The following BBS9 variants were observed in gnomAD, a reference collection of about 807,000 sequenced individuals.
The protein encoded by BBS9 is protein PTHB1.
Under a neutral mutation model 117.7 loss-of-function variants are expected in BBS9, and 89 were observed. That is an observed-to-expected ratio of 0.76 (90% CI 0.64 to 0.90). The LOEUF (loss-of-function observed/expected upper bound fraction) is 0.90. Among genes scored for constraint, BBS9 ranks in the 40% least tolerant of loss-of-function variants. The pLI is 0.00. For synonymous variants in BBS9, 379 were observed against 370.9 expected, an observed-to-expected ratio of 1.02 and a Z score of -0.25; for missense variants, 982 against 1,042.2, an observed-to-expected ratio of 0.94 and a Z score of 0.80.
Position 33,587,593 on chromosome 7 carries a change from A to G in BBS9, c.2522-17272A>G, listed in dbSNP as rs150872161. ...CCATTGGGAAGGGCTGCTATGTTCCATCTTCAAAGAAAGTAGAGCTGGGGT... is the reference window on the plus strand; with the variant it reads ...CCATTGGGAAGGGCTGCTATGTTCCGTCTTCAAAGAAAGTAGAGCTGGGGT... On this transcript the variant is annotated intron_variant, in intron 21 of 22. Transcript: ENST00000242067. Among the ~76,000 whole-genome samples, 394 of 152,252 alleles carry G rather than the reference A, an allele frequency of 2.6e-3. 3 individuals are homozygous for G. The highest frequency in any genetic ancestry group is 8.9e-3 in the African/African-American group (369 of 41,570).
intron 21 of BBS9, among the ~76,000 whole-genome samples, chr7:33,595,599 A>C (rs1862617043): frequency 6.6e-6 from 1 of 152,204 alleles, no homozygotes; most frequent in South Asian, 2.1e-4. Flanking sequence ...AATGTAAATG[A>C]GTTCAACCAT....
intron 2 of BBS9, among the ~76,000 whole-genome samples, chr7:33,149,661 A>G (rs74650705): frequency 0.014 from 2,152 of 150,188 alleles, 54 homozygotes; most frequent in African/African-American, 0.05. Context: ...TAGAGAGCAA[A>G]TAAGACTGAC....
At chr7:33,505,309 A>G (rs776366216) in intron 19 of BBS9, among the ~76,000 whole-genome samples, 154 bp from the exon 20 acceptor site, 3 of 152,194 alleles carry the variant, frequency 2.0e-5, no homozygotes, top group Non-Finnish European at 2.9e-5. Flanking sequence ...GAGCAGATGA[A>G]TGATAACTCT....
intron 21 of BBS9, among the ~76,000 whole-genome samples, chr7:33,604,622 C>T (rs1864304952): frequency 6.6e-6 from 1 of 152,162 alleles, no homozygotes; most frequent in Non-Finnish European, 1.5e-5. Context: ...AATTTAAAGA[C>T]AATACTGTTG....
At chr7:33,151,514 G>A (rs1562684136) in intron 2 of BBS9, among the ~76,000 whole-genome samples, 1 of 151,950 alleles carries the variant, frequency 6.6e-6, no homozygotes, top group East Asian at 1.9e-4. Flanking sequence ...CAGTATTGAA[G>A]TTCCCAGGAT....
intron 7 of BBS9, among the ~76,000 whole-genome samples, chr7:33,269,922 C>T (rs1799488094): frequency 6.6e-6 from 1 of 150,914 alleles, no homozygotes; most frequent in African/African-American, 2.4e-5. Flanking sequence ...ACTCAGGAGT[C>T]TGAGGCAGGA....
intron 1 of BBS9, among the ~76,000 whole-genome samples, chr7:33,145,033 T>A (rs1792112193): frequency 6.6e-6 from 1 of 152,194 alleles, no homozygotes; most frequent in Non-Finnish European, 1.5e-5. Context: ...TAAGGTATCT[T>A]TAAATAGAAA....
chr7:33,138,489 A>G (rs914797095), intron 1 of BBS9, among the ~76,000 whole-genome samples: 3 of 151,138 alleles, frequency 2.0e-5, no homozygotes, highest in Non-Finnish European at 4.4e-5. Flanking sequence ...AACATTTCTC[A>G]TAAGCTTTTG....
At position 33,155,642 on chromosome 7, in the gene BBS9, AC is replaced by A; in HGVS notation, c.270del (p.Glu91LysfsTer33). The A allele has an allele frequency of 6.3e-7, 1 of 1,596,908 alleles. No individual in the cohort carries two copies. Among genetic ancestry groups the A allele is most frequent in the Non-Finnish European group, 8.6e-7 (1 of 1,165,816 alleles). ...QVEVGKFVSGTEMLHLAVLHS... is the reference protein window; with the variant it reads ...QVEVGKFVSGXEMLHLAVLHS... ...AAAACTTTCTCTGTTTTTCAGAGGTACCGAAATGCTACATTTGGCTGTGTTA... is the reference window on the plus strand; with the variant it reads ...AAAACTTTCTCTGTTTTTCAGAGGTACGAAATGCTACATTTGGCTGTGTTA... On this transcript the variant is annotated frameshift_variant, in exon 4 of 23. Transcript: ENST00000242067. LOFTEE classifies it high-confidence loss of function.
chr7:33,141,352 T>G (rs973970274), intron 1 of BBS9, among the ~76,000 whole-genome samples: 4 of 151,800 alleles, frequency 2.6e-5, no homozygotes, highest in South Asian at 2.1e-4. Context: ...ACTTGGGAGG[T>G]AGAGGTTGCA....
At chr7:33,573,186 C>A (rs1858126919) in intron 21 of BBS9, among the ~76,000 whole-genome samples, 1 of 151,858 alleles carries the variant, frequency 6.6e-6, no homozygotes, top group African/African-American at 2.4e-5. Context: ...TATTTTGTAC[C>A]TTCCCAAGCT....
chr7:33,384,810 ACTT>A (rs1324984829), intron 18 of BBS9, among the ~76,000 whole-genome samples: 3 of 152,248 alleles, frequency 2.0e-5, no homozygotes, highest in East Asian at 3.9e-4. Context: ...AGCTATGAAG[ACTT>A]CTTTAATGTA....
intron 20 of BBS9, among the ~76,000 whole-genome samples, chr7:33,533,321 G>T (rs1291197863): frequency 2.0e-5 from 3 of 152,186 alleles, no homozygotes; most frequent in Non-Finnish European, 2.9e-5. Context: ...AAAAGTGGGG[G>T]CAATGGCCTA....
At chr7:33,356,114 A>G (rs1031884203) in intron 15 of BBS9, among the ~76,000 whole-genome samples, 6 of 151,820 alleles carry the variant, frequency 4.0e-5, no homozygotes, top group Non-Finnish European at 5.9e-5. Context: ...AATGAAGAAG[A>G]TGGAAACAAG....
intron 17 of BBS9, among the ~76,000 whole-genome samples, chr7:33,371,444 G>C (rs900590013): frequency 6.6e-6 from 1 of 152,118 alleles, no homozygotes; most frequent in Non-Finnish European, 1.5e-5. Context: ...TTGAGATGTA[G>C]GATGAAGGAG....
intron 18 of BBS9, 144 bp downstream of exon 18, chr7:33,383,982 C>A: frequency 1.2e-6 from 1 of 854,174 alleles, no homozygotes; most frequent in Non-Finnish European, 1.8e-6. Flanking sequence ...TTCGTGAATC[C>A]ATTCCTGCCC....
chr7:33,590,186 G>C (rs1409860151), intron 21 of BBS9, among the ~76,000 whole-genome samples: 1 of 152,084 alleles, frequency 6.6e-6, no homozygotes, highest in African/African-American at 2.4e-5. Context: ...GAGTGGCAGA[G>C]GCAAAAGCTA....
chr7:33,193,621 G>C (rs1370831012), intron 5 of BBS9, among the ~76,000 whole-genome samples: 1 of 152,032 alleles, frequency 6.6e-6, no homozygotes, highest in Non-Finnish European at 1.5e-5. Context: ...TGTTTTGACG[G>C]TTGGATATCA....
intron 19 of BBS9, among the ~76,000 whole-genome samples, chr7:33,475,495 A>G (rs1228113920): frequency 1.3e-5 from 2 of 152,048 alleles, no homozygotes; most frequent in African/African-American, 2.4e-5. Flanking sequence ...TCACTTAAAT[A>G]TATTTCTCTA....
Sources: gnomAD v4.1 joint callset for allele counts (sites outside exome capture counted in the v4.1 genomes callset) on GRCh38, gnomAD v4.1.1 for gene constraint, MANE v1.5 for transcripts, NCBI Gene and HGNC (gene_info 2026-07-23, HGNC 2026-07-21) for gene names.